WFDC11: variants seen among roughly 807,000 people sequenced by gnomAD.
The protein encoded by WFDC11 is WAP four-disulfide core domain 11, also known as protein WFDC11.
Under a neutral mutation model 9.9 loss-of-function variants are expected in WFDC11, and 9 were observed. The ratio of observed to expected loss-of-function variants is 0.91; its 90% CI spans 0.55 to 1.58. The LOEUF is 1.58. Among genes scored for constraint, WFDC11 ranks in the 40% most tolerant of loss-of-function variants. The pLI is 0.00. For missense variants in WFDC11, 106 were observed against 101.7 expected, an observed-to-expected ratio of 1.04 and a Z score of -0.18; for synonymous variants, 32 against 33.3, an observed-to-expected ratio of 0.96 and a Z score of 0.13.
intron 2 of WFDC11, among the ~76,000 whole-genome samples, chr20:45,663,378 T>C (rs2145622895): frequency 6.6e-6 from 1 of 152,314 alleles, no homozygotes; most frequent in Middle Eastern, 3.4e-3. Flanking sequence ...AAAAACCAGC[T>C]CCTGGATTTA....
At chr20:45,670,095 A>G (rs1346358098) in intron 1 of WFDC11, 83 bp downstream of exon 1, 1 of 152,102 alleles carries the variant, frequency 6.6e-6, no homozygotes, top group Non-Finnish European at 1.5e-5. Flanking sequence ...GAATCATACA[A>G]ACTCCCAAGA....
chr20:45,654,717 C>A lies in WFDC11; in HGVS notation c.-51-4066G>T, dbSNP rs530304148. Among the ~76,000 whole-genome samples, 7 of 152,146 alleles carry A rather than the reference C, an allele frequency of 4.6e-5. No individual in the cohort carries two copies. The East Asian group carries it at 1.3e-3, about 29-fold the overall frequency. Reference sequence around the variant, plus strand: ...AATAAAGAAGCAAAGAGAGAAGAATCAAATAGATGCAATAAAAAATGATAA... The same window carrying A: ...AATAAAGAAGCAAAGAGAGAAGAATAAAATAGATGCAATAAAAAATGATAA... On this transcript the variant is annotated intron_variant, in intron 2 of 4. Transcript: ENST00000324384.
At chr20:45,661,086 C>T (rs936546047) in intron 2 of WFDC11, among the ~76,000 whole-genome samples, 16 of 152,072 alleles carry the variant, frequency 1.1e-4, no homozygotes, top group African/African-American at 2.9e-4. Context: ...CTATTGTTTC[C>T]TGACTTTTTA....
At chr20:45,649,788 C>T (rs1018395946) in intron 3 of WFDC11, among the ~76,000 whole-genome samples, 2 of 152,158 alleles carry the variant, frequency 1.3e-5, no homozygotes, top group Non-Finnish European at 2.9e-5. Context: ...CATTGCAATG[C>T]CTATTTCACA....
intron 2 of WFDC11, among the ~76,000 whole-genome samples, chr20:45,658,908 C>A (rs1600939773): frequency 9.7e-6 from 1 of 103,148 alleles, no homozygotes; most frequent in South Asian, 4.2e-4. Context: ...GTGATGCCCA[C>A]CCCCCCGTCC....
chr20:45,648,652 AC>A lies in WFDC11; in HGVS notation c.*66del, dbSNP rs1291679397. ...GTGTTCCTAAAAGTAGCCACAGGGT[AC>A]TACTATGAGACCTCTTAAACATTTC... On this transcript the variant is annotated 3_prime_UTR_variant, in exon 5 of 5. Transcript: ENST00000324384. 1 of 1,543,050 alleles carries A rather than the reference AC, an allele frequency of 6.5e-7. No homozygotes were observed. The highest frequency in any genetic ancestry group is 1.4e-5 in the African/African-American group (1 of 73,300).
At chr20:45,649,814 C>T (rs2145614438) in intron 3 of WFDC11, among the ~76,000 whole-genome samples, 1 of 152,264 alleles carries the variant, frequency 6.6e-6, no homozygotes, top group East Asian at 1.9e-4. Context: ...GGGAGCTAGG[C>T]CAGGTCAAGT....
chr20:45,666,032 G>A (rs764049693), intron 2 of WFDC11, among the ~76,000 whole-genome samples: 7 of 152,200 alleles, frequency 4.6e-5, no homozygotes, highest in Non-Finnish European at 1.0e-4. Context: ...CCACAGTGGT[G>A]GTGACTATAG....
At chr20:45,663,957 G>T (rs1051386576) in intron 2 of WFDC11, among the ~76,000 whole-genome samples, 1 of 152,178 alleles carries the variant, frequency 6.6e-6, no homozygotes, top group Admixed American at 6.5e-5. Context: ...GTGCAGAGCT[G>T]AGTTCAAGTC....
chr20:45,653,996 C>T (rs1171471681), intron 2 of WFDC11, among the ~76,000 whole-genome samples: 1 of 152,070 alleles, frequency 6.6e-6, no homozygotes, highest in Non-Finnish European at 1.5e-5. Context: ...ACTTTCACAC[C>T]CCACTGTCAA....
At chr20:45,669,264 T>C (rs1983248133) in intron 1 of WFDC11, among the ~76,000 whole-genome samples, 1 of 152,186 alleles carries the variant, frequency 6.6e-6, no homozygotes, top group Admixed American at 6.5e-5. Context: ...GGGTAACTCA[T>C]TTCACTTCTG....
At chr20:45,654,552 G>T (rs184945490) in intron 2 of WFDC11, among the ~76,000 whole-genome samples, 1 of 152,256 alleles carries the variant, frequency 6.6e-6, no homozygotes, top group East Asian at 1.9e-4. Context: ...AAATTCAAAA[G>T]CTAGCAGAAG....
chr20:45,650,009 T>TCC (rs1484793734), intron 3 of WFDC11, among the ~76,000 whole-genome samples: 8 of 152,102 alleles, frequency 5.3e-5, no homozygotes, highest in African/African-American at 1.9e-4. Context: ...TTTCCTAACT[T>TCC]TTCACATTCT....
intron 2 of WFDC11, among the ~76,000 whole-genome samples, chr20:45,662,738 G>C (rs183321479): frequency 2.4e-4 from 37 of 152,214 alleles, no homozygotes; most frequent in Admixed American, 8.5e-4. Flanking sequence ...ATTTGTGAAT[G>C]TTGAACCAGC....
intron 2 of WFDC11, among the ~76,000 whole-genome samples, chr20:45,664,248 C>CA (rs1555804137): frequency 6.6e-6 from 1 of 151,148 alleles, no homozygotes; most frequent in African/African-American, 2.4e-5. Flanking sequence ...GTGACCCCTG[C>CA]TTTTTTTTTG....
intron 2 of WFDC11, among the ~76,000 whole-genome samples, chr20:45,651,007 A>G (rs1982794022): frequency 6.6e-6 from 1 of 152,182 alleles, no homozygotes; most frequent in Non-Finnish European, 1.5e-5. Context: ...AGATTATTTC[A>G]TCACCCAGGT....
At chr20:45,665,972 G>A (rs1983179795) in intron 2 of WFDC11, among the ~76,000 whole-genome samples, 1 of 152,202 alleles carries the variant, frequency 6.6e-6, no homozygotes, top group African/African-American at 2.4e-5. Context: ...AGACGGGGAC[G>A]TTTAGGTCTG....
chr20:45,648,830 A>G (rs1982739484), intron 4 of WFDC11, 91 bp from the exon 5 acceptor site: 4 of 1,305,432 alleles, frequency 3.1e-6, no homozygotes, highest in Non-Finnish European at 3.3e-6. Flanking sequence ...CATGTTCACC[A>G]GACAATGGGA....
intron 4 of WFDC11, 100 bp from the exon 5 acceptor site, chr20:45,648,839 GA>G: frequency 8.0e-7 from 1 of 1,247,928 alleles, no homozygotes; most frequent in South Asian, 1.3e-5. Context: ...CAGACAATGG[GA>G]CAAGAATACT....
Sources: allele counts gnomAD v4.1 joint callset (sites outside exome capture counted in the v4.1 genomes callset), GRCh38; gene constraint gnomAD v4.1.1; transcripts MANE v1.5; gene names NCBI Gene and HGNC (gene_info 2026-07-23, HGNC 2026-07-21).